CCDC150: variants seen among roughly 807,000 people sequenced by gnomAD.
The protein encoded by CCDC150 is coiled-coil domain containing 150, also known as coiled-coil domain-containing protein 150.
Under a neutral mutation model 156.5 loss-of-function variants are expected in CCDC150, and 151 were observed. The observed-to-expected ratio is 0.97, with a 90% CI of 0.85 to 1.10. CCDC150 has a LOEUF of 1.10. Ranked by LOEUF, CCDC150 falls within the 50% of genes least tolerant of loss-of-function variation. The probability of loss-of-function intolerance (pLI) is 0.00; values close to 1 mark genes in which losing one functional copy is unlikely to be tolerated. For missense variants in CCDC150, 1,312 were observed against 1,268.1 expected (o/e 1.03, Z -0.53); for synonymous variants, 452 against 429.4 (o/e 1.05, Z -0.65).
At chr2:196,683,955 A>G (rs1694984862) in intron 13 of CCDC150, among the ~76,000 whole-genome samples, 1 of 151,922 alleles carries the variant, frequency 6.6e-6, no homozygotes, top group African/African-American at 2.4e-5. Flanking sequence ...TAGAGAACCA[A>G]CTTGTGGAAG....
Position 196,712,835 on chromosome 2 carries a change from A to G in CCDC150, c.1866+96A>G, listed in dbSNP as rs1201431981. 4 of 924,352 alleles carry G rather than the reference A, an allele frequency of 4.3e-6. No homozygotes were observed. The African/African-American group carries it at 6.7e-5, about 15-fold the overall frequency. The allele number at this position is 924,352 out of a possible 1,614,324, so 57.3% of individuals were successfully genotyped here. ...TAATATTTTAACGAATGAATAGAAAAAGTTAAGCAAGATAACAAAAACATT... is the reference window on the plus strand; with the variant it reads ...TAATATTTTAACGAATGAATAGAAAGAGTTAAGCAAGATAACAAAAACATT... On this transcript the variant is annotated intron_variant, in intron 17 of 27. Transcript: ENST00000389175.
chr2:196,655,658 C>G (rs1363481473), intron 2 of CCDC150, among the ~76,000 whole-genome samples: 1 of 152,056 alleles, frequency 6.6e-6, no homozygotes, highest in Non-Finnish European at 1.5e-5. Flanking sequence ...AGGTGTAGTC[C>G]CTGGAACTGC....
chr2:196,655,910 C>T (rs1332352315), intron 2 of CCDC150, among the ~76,000 whole-genome samples: 1 of 152,078 alleles, frequency 6.6e-6, no homozygotes, highest in African/African-American at 2.4e-5. Flanking sequence ...GCCAAGCTCC[C>T]GTTCAGGCTG....
At chr2:196,715,374 C>T (rs1697433347) in intron 17 of CCDC150, among the ~76,000 whole-genome samples, 1 of 152,026 alleles carries the variant, frequency 6.6e-6, no homozygotes, top group Non-Finnish European at 1.5e-5. Context: ...TAATATTTTA[C>T]TATTTGGATG....
rs546972587 is a variant in CCDC150 at position 196,714,411 on chromosome 2, G to C, written c.1866+1672G>C. Reference sequence around the variant, plus strand: ...GAAGGGATGGCCCATGCTTGGCTCCGGGCCAATCCAAGACACTCTCCCTTT... The same window carrying C: ...GAAGGGATGGCCCATGCTTGGCTCCCGGCCAATCCAAGACACTCTCCCTTT... On this transcript the variant is annotated intron_variant, in intron 17 of 27. Coordinates refer to ENST00000389175, the MANE Select transcript of CCDC150 (RefSeq NM_001080539.2). Among the ~76,000 whole-genome samples, 12 of 152,258 alleles carry C rather than the reference G, an allele frequency of 7.9e-5. 2 individuals carry two copies. Among genetic ancestry groups the C allele is most frequent in the Admixed American group, 4.6e-4 (7 of 15,286 alleles).
intron 17 of CCDC150, among the ~76,000 whole-genome samples, chr2:196,716,656 T>G (rs966572500): frequency 2.0e-5 from 3 of 152,140 alleles, no homozygotes; most frequent in Non-Finnish European, 2.9e-5. Context: ...AGGAAACTTT[T>G]GGAGATGATG....
At chr2:196,671,172 G>A (rs1694178317) in intron 8 of CCDC150, among the ~76,000 whole-genome samples, 1 of 152,074 alleles carries the variant, frequency 6.6e-6, no homozygotes, top group African/African-American at 2.4e-5. Context: ...ATGTTTTATA[G>A]TATCATTCAG....
chr2:196,708,570 G>C (rs1187507924), intron 15 of CCDC150, among the ~76,000 whole-genome samples: 1 of 152,050 alleles, frequency 6.6e-6, no homozygotes, highest in Non-Finnish European at 1.5e-5. Flanking sequence ...TGGTTATTTT[G>C]CCCATTAGTT....
intron 17 of CCDC150, chr2:196,713,462 G>A (rs1367535573): frequency 6.4e-7 from 1 of 1,550,734 alleles, no homozygotes; most frequent in Admixed American, 2.0e-5. Flanking sequence ...GTCATCAGTT[G>A]GTTTGCCTAG....
At chr2:196,726,135 G>A in intron 22 of CCDC150, 36 bp downstream of exon 22, 1 of 1,607,572 alleles carries the variant, frequency 6.2e-7, no homozygotes, top group South Asian at 1.1e-5. Flanking sequence ...TTTGGTGAAT[G>A]CCTCTTAGGA....
chr2:196,647,858 T>G (rs1251230236), intron 2 of CCDC150, among the ~76,000 whole-genome samples: 1 of 152,190 alleles, frequency 6.6e-6, no homozygotes, highest in Admixed American at 6.5e-5. Context: ...CTTATACCTC[T>G]TCTTAAACTG....
chr2:196,694,954 C>T (rs1695727862), intron 13 of CCDC150, 92 bp from the exon 14 acceptor site: 1 of 657,602 alleles, frequency 1.5e-6, no homozygotes, highest in South Asian at 2.0e-5. Flanking sequence ...CAATACTGTC[C>T]ATTTTACAGT....
intron 9 of CCDC150, 82 bp from the exon 10 acceptor site, chr2:196,674,159 G>T: frequency 1.2e-6 from 1 of 807,370 alleles, no homozygotes. Flanking sequence ...GAGATACTAT[G>T]CAATCATTAA....
chr2:196,657,210 C>T (rs768439088), intron 4 of CCDC150, 74 bp downstream of exon 4: 224 of 1,419,068 alleles, frequency 1.6e-4, no homozygotes, highest in Non-Finnish European at 1.9e-4. Flanking sequence ...ACCTATGACG[C>T]GACTTTTAAA....
intron 14 of CCDC150, among the ~76,000 whole-genome samples, chr2:196,697,234 T>G (rs1255842610): frequency 2.8e-4 from 43 of 152,262 alleles, no homozygotes; most frequent in Non-Finnish European, 2.9e-5. Context: ...CAGTAAGGAT[T>G]AATATCATAT....
intron 21 of CCDC150, among the ~76,000 whole-genome samples, chr2:196,722,032 A>G (rs1697950269): frequency 6.6e-6 from 1 of 152,214 alleles, no homozygotes; most frequent in Non-Finnish European, 1.5e-5. Context: ...TATGTCCTTT[A>G]AAGGCAGATT....
chr2:196,718,607 T>TGTG lies in CCDC150; in HGVS notation c.1973_1975dup (p.Val658dup). ...AGAAGTTGAAAGAAGACCTCGAGGCTGTGGAGGACAGGGAAAACAAGAAGG... is the reference window on the plus strand; with the variant it reads ...AGAAGTTGAAAGAAGACCTCGAGGCTGTGGTGGAGGACAGGGAAAACAAGAAGG... On this transcript the variant is annotated inframe_insertion, in exon 18 of 28. Transcript: ENST00000389175. 1 of 1,613,502 alleles carries TGTG rather than the reference T, an allele frequency of 6.2e-7. No homozygotes were observed. The highest frequency in any genetic ancestry group is 8.5e-7 in the Non-Finnish European group (1 of 1,179,580).
rs554371312 is a variant in CCDC150 at position 196,709,752 on chromosome 2, A to G, written c.1696-2393A>G. Among the ~76,000 whole-genome samples the G allele has an allele frequency of 3.3e-5, 5 of 152,218 alleles. No homozygotes were observed. In the South Asian group the frequency reaches 1.0e-3, roughly 32 times the overall value. On this transcript the variant is annotated intron_variant, in intron 15 of 27. Coordinates refer to ENST00000389175, the MANE Select transcript of CCDC150 (RefSeq NM_001080539.2). Reference sequence around the variant, plus strand: ...CTTTTTGTTTGTTAGTTTTCCTTCTAACAGTCAGGTCCCTCAGCTGCAGGT... The same window carrying G: ...CTTTTTGTTTGTTAGTTTTCCTTCTGACAGTCAGGTCCCTCAGCTGCAGGT...
chr2:196,719,228 A>G, intron 18 of CCDC150: 1 of 249,376 alleles, frequency 4.0e-6, no homozygotes, highest in Non-Finnish European at 7.5e-6. Context: ...GTGCTGAGTC[A>G]GGCCTCTCTG....
Sources: gnomAD v4.1 joint callset for allele counts (sites outside exome capture counted in the v4.1 genomes callset) on GRCh38, gnomAD v4.1.1 for gene constraint, MANE v1.5 for transcripts, NCBI Gene and HGNC (gene_info 2026-07-23, HGNC 2026-07-21) for gene names.